Variants in TRPM7 observed in about 807,000 individuals in gnomAD.
The protein encoded by TRPM7 is LTRPC ion channel family member 7.
TRPM7 carries 134 observed loss-of-function variants against 229.7 expected under a neutral mutation model. The observed-to-expected ratio is 0.58, with a 90% confidence interval of 0.51 to 0.67. The LOEUF is 0.67. Ranked by LOEUF, TRPM7 falls within the 30% of genes least tolerant of loss-of-function variation. The pLI is 0.00. For synonymous variants in TRPM7, 699 were observed against 715.2 expected (o/e 0.98, Z 0.36); for missense variants, 1,901 against 2,210.0 (o/e 0.86, Z 2.80).
chr15:50,651,134 C>G (rs986743826), intron 3 of TRPM7, among the ~76,000 whole-genome samples: 1 of 152,130 alleles, frequency 6.6e-6, no homozygotes, highest in Non-Finnish European at 1.5e-5. Flanking sequence ...TTGCAGTCAA[C>G]TGATATGGTG....
chr15:50,630,920 C>T (rs1292328504), intron 10 of TRPM7, among the ~76,000 whole-genome samples: 2 of 152,078 alleles, frequency 1.3e-5, no homozygotes, highest in Non-Finnish European at 2.9e-5. Context: ...ACTGCAGCCT[C>T]AACTTTCCAG....
intron 1 of TRPM7, among the ~76,000 whole-genome samples, chr15:50,664,907 G>A (rs1033138844): frequency 3.9e-5 from 6 of 152,184 alleles, no homozygotes; most frequent in Admixed American, 2.6e-4. Context: ...CAAGGCTGCA[G>A]TAAGCCAAGA....
chr15:50,562,813 G>A (rs1251298937), intron 38 of TRPM7, among the ~76,000 whole-genome samples: 2 of 151,716 alleles, frequency 1.3e-5, no homozygotes, highest in Non-Finnish European at 1.5e-5. Context: ...AGAGTGTAGT[G>A]AATTATAATG....
intron 13 of TRPM7, among the ~76,000 whole-genome samples, chr15:50,617,673 A>G (rs1424227014): frequency 6.6e-6 from 1 of 152,100 alleles, no homozygotes; most frequent in Non-Finnish European, 1.5e-5. Context: ...TTTCTTAAGA[A>G]GGGTCTTGAT....
intron 1 of TRPM7, among the ~76,000 whole-genome samples, chr15:50,679,529 T>TTATATATATGTGTATATATATA (rs2062192091): frequency 5.8e-5 from 3 of 51,754 alleles, no homozygotes; most frequent in African/African-American, 7.9e-5. Flanking sequence ...TATATATATA[T>TTATATATATGTGTATATATATA]ATATATATAT....
chr15:50,635,664 CAA>C (rs765054880), intron 7 of TRPM7, among the ~76,000 whole-genome samples: 4 of 56,532 alleles, frequency 7.1e-5, no homozygotes, highest in African/African-American at 1.6e-4. Context: ...CTCCATCTCC[CAA>C]AAAAAAAAAA....
chr15:50,615,106 T>C (rs2060183434), intron 13 of TRPM7, among the ~76,000 whole-genome samples: 1 of 141,660 alleles, frequency 7.1e-6, no homozygotes, highest in Non-Finnish European at 1.5e-5. Context: ...GAGGTTGCAG[T>C]GAGCCGAGAT....
chr15:50,596,373 T>C lies in TRPM7; in HGVS notation c.3172A>G (p.Asn1058Asp), dbSNP rs772957163. The change falls in exon 23 of 39, where the codon AAT becomes GAT. Residue 1058 changes from asparagine to aspartate, a missense_variant. This residue lies in a region of TRPM7 where 89 missense variants were observed against 178.2 expected (regional missense o/e 0.50). Transcript: ENST00000646667. ...VYAYEIDVCA[N>D]DSVIPQICGP... ...CAGATTTGAGGGATAACAGAATCAT[T>C]TGCACACACTTTAGAGAGAAAAAAA... 10 of 1,583,838 alleles carry C rather than the reference T, an allele frequency of 6.3e-6. No homozygotes were observed. In the East Asian group the frequency reaches 6.7e-5, roughly 11 times the overall value.
intron 5 of TRPM7, among the ~76,000 whole-genome samples, chr15:50,641,031 G>A (rs777740659): frequency 1.3e-5 from 2 of 152,194 alleles, no homozygotes; most frequent in East Asian, 3.8e-4. Context: ...GCATCACTCA[G>A]TTTGATCTCC....
intron 12 of TRPM7, among the ~76,000 whole-genome samples, chr15:50,621,466 G>A (rs541086402): frequency 8.5e-5 from 13 of 152,152 alleles, no homozygotes. Context: ...AATTCTCAAA[G>A]TGTGACCTGG....
At position 50,619,786 on chromosome 15, in the gene TRPM7, T is replaced by C. The variant is rs201283247; in HGVS notation, c.1453A>G (p.Thr485Ala). 1.1e-5 allele frequency: 18 copies of C among 1,602,526 alleles called. No individual in the cohort carries two copies. The African/African-American group carries it at 1.5e-4, about 13-fold the overall frequency. ...EELYNTKQGP[T>A]NPMLFHLVRD... ...ACAAGATGAAACAGCATTGGATTAG[T>C]TGGACCTTGTTTCTTTAGGGAGAAA... Residue 485 changes from threonine (T) to alanine (A), a missense_variant, in exon 13 of 39, where the codon ACT (threonine) becomes GCT (alanine). Physicochemically the swap from Thr to Ala is moderately conservative, Grantham distance 58 (BLOSUM62 0). Transcript: ENST00000646667.
intron 29 of TRPM7, among the ~76,000 whole-genome samples, chr15:50,582,009 C>G (rs1045619305): frequency 1.3e-5 from 2 of 152,180 alleles, no homozygotes; most frequent in African/African-American, 4.8e-5. Flanking sequence ...GAAGCCCAGG[C>G]TGGAGTGCAG....
At chr15:50,676,347 T>G (rs1038388711) in intron 1 of TRPM7, among the ~76,000 whole-genome samples, 1 of 152,062 alleles carries the variant, frequency 6.6e-6, no homozygotes, top group Non-Finnish European at 1.5e-5. Context: ...ATATTAAAAT[T>G]AGAAAATTCT....
chr15:50,624,141 A>C (rs771216666), intron 12 of TRPM7, 25 bp downstream of exon 12: 6 of 1,585,674 alleles, frequency 3.8e-6, no homozygotes, highest in African/African-American at 1.4e-5. Flanking sequence ...AATGTAGTCA[A>C]TAAAGAATTT....
chr15:50,625,662 C>T (rs1032540467), intron 11 of TRPM7, among the ~76,000 whole-genome samples: 2 of 152,078 alleles, frequency 1.3e-5, no homozygotes, highest in African/African-American at 4.8e-5. Flanking sequence ...CAGCCTCCCA[C>T]AGTACTGGAA....
At chr15:50,629,299 G>A (rs2060655438) in intron 10 of TRPM7, among the ~76,000 whole-genome samples, 1 of 149,598 alleles carries the variant, frequency 6.7e-6, no homozygotes, top group Non-Finnish European at 1.5e-5. Context: ...CTGAGACCGA[G>A]TCTCTCCCTG....
At chr15:50,666,254 T>C (rs929528354) in intron 1 of TRPM7, among the ~76,000 whole-genome samples, 5 of 151,476 alleles carry the variant, frequency 3.3e-5, no homozygotes, top group African/African-American at 1.2e-4. Flanking sequence ...CTGGGCAACA[T>C]GGCAAAACCC....
intron 1 of TRPM7, among the ~76,000 whole-genome samples, chr15:50,678,506 TAAA>T (rs10553093): frequency 3.7e-4 from 48 of 128,734 alleles, no homozygotes; most frequent in African/African-American, 5.1e-4. Context: ...TTCCATTCTT[TAAA>T]AAAAAAAAAT....
chr15:50,635,076 C>A (rs1320005027), intron 7 of TRPM7, among the ~76,000 whole-genome samples: 6 of 150,586 alleles, frequency 4.0e-5, no homozygotes, highest in Non-Finnish European at 7.4e-5. Context: ...CCAGCACTTT[C>A]GGAGACCAAG....
Sources: allele counts gnomAD v4.1 joint callset (sites outside exome capture counted in the v4.1 genomes callset), GRCh38; gene constraint gnomAD v4.1.1; regional missense constraint gnomAD v4.1.1; transcripts MANE v1.5; gene names NCBI Gene and HGNC (gene_info 2026-07-23, HGNC 2026-07-21).